The following ARHGEF33 variants were observed in gnomAD, a reference collection of about 807,000 sequenced individuals.
ARHGEF33 encodes the protein Rho guanine nucleotide exchange factor 33, also known as DH and coiled-coil domain-containing protein ENSP00000381780.
In ARHGEF33, 72 loss-of-function variants were observed where a neutral mutation model predicts 101.9. The observed-to-expected ratio is 0.71, with a 90% CI of 0.58 to 0.86. The LOEUF (loss-of-function observed/expected upper bound fraction) is 0.86. ARHGEF33 is among the 40% of genes least tolerant of loss of function. The pLI, the probability that ARHGEF33 is intolerant of heterozygous loss-of-function variation, is 0.00. For synonymous variants in ARHGEF33, 499 were observed against 442.5 expected (o/e 1.13, Z -1.60); for missense variants, 1,169 against 1,111.3 (o/e 1.05, Z -0.74).
intron 2 of ARHGEF33, among the ~76,000 whole-genome samples, chr2:38,918,745 A>C (rs1666690198): frequency 1.3e-5 from 2 of 152,108 alleles, no homozygotes; most frequent in Admixed American, 1.3e-4. Flanking sequence ...TTTCTCCTTA[A>C]GATAATTTTC....
intron 4 of ARHGEF33, among the ~76,000 whole-genome samples, chr2:38,923,006 C>G (rs1231344743): frequency 6.6e-6 from 1 of 152,134 alleles, no homozygotes; most frequent in African/African-American, 2.4e-5. Context: ...TCTCATCTGA[C>G]CTGTGTATAA....
intron 2 of ARHGEF33, 64 bp from the exon 3 acceptor site, chr2:38,919,299 G>C: frequency 2.7e-6 from 2 of 731,368 alleles, no homozygotes; most frequent in South Asian, 3.7e-5. Flanking sequence ...ACTAATGTAA[G>C]AAGTAAATAC....
chr2:38,903,691 T>C (rs1666300694), intron 2 of ARHGEF33, among the ~76,000 whole-genome samples: 1 of 152,222 alleles, frequency 6.6e-6, no homozygotes, highest in African/African-American at 2.4e-5. Context: ...ACTAAGCTAT[T>C]GCAGATCATC....
chr2:38,903,659 G>A (rs1420120261), intron 2 of ARHGEF33, among the ~76,000 whole-genome samples: 1 of 152,146 alleles, frequency 6.6e-6, no homozygotes, highest in Non-Finnish European at 1.5e-5. Flanking sequence ...TTAAACACTA[G>A]AATCTAATAT....
intron 10 of ARHGEF33, among the ~76,000 whole-genome samples, chr2:38,949,984 A>C (rs899818655): frequency 5.3e-5 from 8 of 152,172 alleles, no homozygotes; most frequent in Admixed American, 5.2e-4. Flanking sequence ...GTGCTAAACC[A>C]TTCACGAGAA....
intron 4 of ARHGEF33, among the ~76,000 whole-genome samples, chr2:38,928,615 A>G (rs907705211): frequency 2.0e-5 from 3 of 152,220 alleles, no homozygotes; most frequent in Admixed American, 1.3e-4. Context: ...CATTTTAATC[A>G]AAGGTGTTAG....
rs950794707 is a variant in ARHGEF33 at position 38,960,358 on chromosome 2, G to GGCA, written c.2062_2064dup (p.Ser688dup). On this transcript the variant is annotated inframe_insertion, in exon 16 of 18. Coordinates refer to ENST00000409978, the MANE Select transcript of ARHGEF33 (RefSeq NM_001145451.5). The stretch of plus-strand genomic sequence containing the variant: ...GCCCAAGAGCGCTACGTCGCCGGCG[G>GGCA]GCAGCAGCAGCGCCTACAAACTGGA... 3.9e-6 allele frequency: 6 copies of GGCA among 1,529,908 alleles called. No homozygotes were observed. Among genetic ancestry groups the GGCA allele is most frequent in the Non-Finnish European group, 5.3e-6 (6 of 1,142,424 alleles). The allele number at this position is 1,529,908 out of a possible 1,614,324, so 94.8% of individuals were successfully genotyped here. A position where few individuals can be genotyped will look rare whatever the true frequency, so the allele number is the denominator to read the frequency against.
At chr2:38,962,780 C>G (rs554048018) in intron 16 of ARHGEF33, among the ~76,000 whole-genome samples, 6 of 133,912 alleles carry the variant, frequency 4.5e-5, no homozygotes, top group Non-Finnish European at 9.1e-5. Context: ...TTTGGGAGGC[C>G]GAGGTGGGCG....
At chr2:38,905,192 A>G (rs1362532650) in intron 2 of ARHGEF33, among the ~76,000 whole-genome samples, 1 of 152,190 alleles carries the variant, frequency 6.6e-6, no homozygotes, top group Non-Finnish European at 1.5e-5. Context: ...CCGAAAAAAA[A>G]AAAGCCAGTT....
chr2:38,904,115 A>G (rs530860105), intron 2 of ARHGEF33, among the ~76,000 whole-genome samples: 26 of 152,338 alleles, frequency 1.7e-4, no homozygotes, highest in African/African-American at 6.3e-4. Flanking sequence ...TTTGATTCCT[A>G]TTGAGTTTTA....
chr2:38,910,478 C>A (rs1330743411), intron 2 of ARHGEF33, among the ~76,000 whole-genome samples: 2 of 152,070 alleles, frequency 1.3e-5, no homozygotes, highest in African/African-American at 2.4e-5. Context: ...GAGGCTGAGG[C>A]AGAATTGCTT....
At chr2:38,931,762 C>G (rs907102934) in intron 7 of ARHGEF33, among the ~76,000 whole-genome samples, 1 of 152,176 alleles carries the variant, frequency 6.6e-6, no homozygotes, top group Admixed American at 6.5e-5. Context: ...TGGTTATTAA[C>G]TTACATTCAA....
chr2:38,962,108 G>A (rs769533305), intron 16 of ARHGEF33, among the ~76,000 whole-genome samples: 7 of 152,240 alleles, frequency 4.6e-5, no homozygotes, highest in Admixed American at 1.3e-4. Context: ...GGTTCCCTGG[G>A]GTTCTCAGAT....
At position 38,959,847 on chromosome 2, in the gene ARHGEF33, G is replaced by A. The variant is rs1468747862; in HGVS notation, c.1542G>A (p.Leu514=). The A allele has an allele frequency of 1.3e-6, 2 of 1,546,870 alleles. No individual in the cohort carries two copies. Among genetic ancestry groups the A allele is most frequent in the African/African-American group, 2.7e-5 (2 of 72,906 alleles). The stretch of plus-strand genomic sequence containing the variant: ...CTCTGTTTTCCCCCTAAAGACATCT[G>A]ATGCCCCCAGTGAAGAAAAGCCAAC... ...APSSGPAITH[L]MPPVKKSQQQ... Residue 514 remains leucine (L), a synonymous_variant, in exon 16 of 18, where the codon CTG becomes CTA. Transcript: ENST00000409978.
chr2:38,921,336 G>T, intron 3 of ARHGEF33, 38 bp from the exon 4 acceptor site: 1 of 1,278,626 alleles, frequency 7.8e-7, no homozygotes, highest in South Asian at 1.3e-5. Flanking sequence ...GGGACAGAAT[G>T]AGTAGTGTTG....
rs1371963898 is a variant in ARHGEF33, at chr2:38,943,913, C to T, written c.803C>T (p.Thr268Ile). Reference sequence around the variant, plus strand: ...TTTGTTTCTAAAGCTAAAAGACAGACTGTGGCCCTGGAACTGCTTGAATCT... The same window carrying T: ...TTTGTTTCTAAAGCTAAAAGACAGATTGTGGCCCTGGAACTGCTTGAATCT... ...CETSLAAKRQ[T>I]VALELLESER... The change falls in exon 10 of 18, where the codon ACT (threonine) becomes ATT (isoleucine). Residue 268 changes from threonine to isoleucine, a missense_variant. Thr to Ile is a moderately conservative substitution (Grantham distance 89, BLOSUM62 -1). Coordinates refer to ENST00000409978, the MANE Select transcript of ARHGEF33 (RefSeq NM_001145451.5). The T allele has an allele frequency of 6.4e-7, 1 of 1,551,456 alleles. No homozygotes were observed. The highest frequency in any genetic ancestry group is 1.4e-5 in the African/African-American group (1 of 73,004).
chr2:38,935,588 C>G (rs888809915), intron 7 of ARHGEF33, among the ~76,000 whole-genome samples, 187 bp from the exon 8 acceptor site: 5 of 152,158 alleles, frequency 3.3e-5, no homozygotes, highest in African/African-American at 4.8e-5. Flanking sequence ...GTAAGTACCA[C>G]TATTATATCT....
chr2:38,943,720 G>C (rs13395448), intron 9 of ARHGEF33, among the ~76,000 whole-genome samples, 181 bp from the exon 10 acceptor site: 1 of 152,114 alleles, frequency 6.6e-6, no homozygotes, highest in African/African-American at 2.4e-5. Flanking sequence ...CCAAGACTTC[G>C]TGCCCTTTGC....
At chr2:38,962,524 T>C (rs1667967312) in intron 16 of ARHGEF33, among the ~76,000 whole-genome samples, 2 of 152,192 alleles carry the variant, frequency 1.3e-5, no homozygotes, top group Non-Finnish European at 2.9e-5. Flanking sequence ...TTGCACATAC[T>C]GGCCAGCAAG....
Sources: allele counts gnomAD v4.1 joint callset (sites outside exome capture counted in the v4.1 genomes callset), GRCh38; gene constraint gnomAD v4.1.1; transcripts MANE v1.5; gene names NCBI Gene and HGNC (gene_info 2026-07-23, HGNC 2026-07-21).